RABGEF1: variants seen among roughly 807,000 people sequenced by gnomAD.
RABGEF1 encodes the protein rab5 GDP/GTP exchange factor.
In RABGEF1, 26 loss-of-function variants were observed where a neutral mutation model predicts 57.3. The observed-to-expected ratio is 0.45, with a 90% CI of 0.33 to 0.63. RABGEF1 has a LOEUF of 0.63. Among genes scored for constraint, RABGEF1 ranks in the 20% least tolerant of loss-of-function variants. RABGEF1 has a pLI of 0.02. For missense variants in RABGEF1, 464 were observed against 607.6 expected (o/e 0.76, Z 2.48); for synonymous variants, 185 against 210.7 (o/e 0.88, Z 1.06).
chr7:66,735,716 G>C (rs1234072338), intron 2 of RABGEF1, among the ~76,000 whole-genome samples: 1 of 152,152 alleles, frequency 6.6e-6, no homozygotes, highest in African/African-American at 2.4e-5. Context: ...ATGGCCATGT[G>C]AAGACGTGCC....
chr7:66,781,557 C>T (rs1338051178), intron 3 of RABGEF1, among the ~76,000 whole-genome samples: 1 of 152,142 alleles, frequency 6.6e-6, no homozygotes, highest in African/African-American at 2.4e-5. Flanking sequence ...ATGTTCCCCT[C>T]CCTAAACAGG....
the RABGEF1 span, among the ~76,000 whole-genome samples, chr7:66,666,555 T>C: frequency 6.6e-6 from 1 of 152,166 alleles, no homozygotes; most frequent in Admixed American, 6.5e-5. Flanking sequence ...TCCAGTGATG[T>C]TTCCTGGCAG....
upstream of RABGEF1, among the ~76,000 whole-genome samples, chr7:66,737,687 C>A (rs1158587387): frequency 6.6e-6 from 1 of 152,194 alleles, no homozygotes; most frequent in Non-Finnish European, 1.5e-5. Context: ...TGGAAAAACA[C>A]ATTCTCAACA....
intron 2 of RABGEF1, among the ~76,000 whole-genome samples, chr7:66,716,594 C>G (rs187377496): frequency 3.9e-5 from 6 of 152,082 alleles, no homozygotes; most frequent in Admixed American, 6.6e-5. Flanking sequence ...GAGCAAGACT[C>G]TGTCTCAGAA....
intron 1 of RABGEF1, among the ~76,000 whole-genome samples, chr7:66,684,759 C>T (rs368292430): frequency 1.3e-5 from 2 of 152,132 alleles, no homozygotes; most frequent in South Asian, 2.1e-4. Context: ...TTCAGTCTCC[C>T]GAGTAGCTGG....
intron 1 of RABGEF1, among the ~76,000 whole-genome samples, chr7:66,709,796 A>C (rs551567077): frequency 3.9e-5 from 6 of 152,260 alleles, no homozygotes; most frequent in African/African-American, 1.4e-4. Flanking sequence ...AAAAAGAAAG[A>C]AAGCAAATAT....
chr7:66,789,682 CAAAAAAAAAAAA>C (rs35661980), intron 4 of RABGEF1, among the ~76,000 whole-genome samples: 6 of 57,466 alleles, frequency 1.0e-4, no homozygotes, highest in African/African-American at 4.5e-4. Context: ...GACTCTATCT[CAAAAAAAAAAAA>C]AAAAAAAAAA....
chr7:66,695,943 G>C (rs1379440926), intron 1 of RABGEF1, among the ~76,000 whole-genome samples: 1 of 149,384 alleles, frequency 6.7e-6, no homozygotes, highest in African/African-American at 2.5e-5. Context: ...TTCAGCGTGG[G>C]TAACAAAGCG....
chr7:66,663,999 G>A, the RABGEF1 span, among the ~76,000 whole-genome samples: 5 of 151,766 alleles, frequency 3.3e-5, no homozygotes, highest in East Asian at 1.9e-4. Flanking sequence ...GCTTGAACCC[G>A]GGAGGTGGAG....
rs545396383 is a variant in RABGEF1 at position 66,792,974 on chromosome 7, G to A, written c.514-2537G>A. Among the ~76,000 whole-genome samples the A allele has an allele frequency of 1.4e-4, 22 of 152,196 alleles. 1 individual carries two copies. The South Asian group carries it at 3.7e-3, about 26-fold the overall frequency. The stretch of plus-strand genomic sequence containing the variant: ...GGGTGAGTTCTTTTACATTATGAAA[G>A]CAATACTGTACTGGAGCATAAACTG... On this transcript the variant is annotated intron_variant, in intron 4 of 8. Coordinates refer to ENST00000284957, the MANE Select transcript of RABGEF1 (RefSeq NM_014504.3).
At chr7:66,799,755 T>G (rs1330013061) in intron 7 of RABGEF1, among the ~76,000 whole-genome samples, 4 of 152,300 alleles carry the variant, frequency 2.6e-5, no homozygotes, top group Admixed American at 2.0e-4. Flanking sequence ...TTTCTTAGGA[T>G]TCAGTTGCAT....
the RABGEF1 span, among the ~76,000 whole-genome samples, chr7:66,658,533 CAAAAA>C: frequency 2.6e-5 from 2 of 75,558 alleles, no homozygotes; most frequent in Non-Finnish European, 5.4e-5. Context: ...ACTTCGTCTC[CAAAAA>C]AAAAAAAAAA....
intron 1 of RABGEF1, among the ~76,000 whole-genome samples, chr7:66,747,917 A>G (rs181472590): frequency 2.0e-5 from 3 of 152,310 alleles, no homozygotes; most frequent in Middle Eastern, 3.4e-3. Context: ...AACATAACAG[A>G]TAAGTGGGTG....
chr7:66,773,385 C>G (rs956811016), intron 2 of RABGEF1, among the ~76,000 whole-genome samples: 8 of 152,162 alleles, frequency 5.3e-5, no homozygotes, highest in African/African-American at 1.7e-4. Flanking sequence ...TTGTCTGTCC[C>G]AGAGAAAGAG....
At chr7:66,657,896 A>G in the RABGEF1 span, among the ~76,000 whole-genome samples, 1 of 152,206 alleles carries the variant, frequency 6.6e-6, no homozygotes, top group East Asian at 1.9e-4. Flanking sequence ...CCTCTAAAGG[A>G]TCTAGAAAAA....
intron 1 of RABGEF1, among the ~76,000 whole-genome samples, chr7:66,700,353 T>G (rs1303424433): frequency 6.6e-6 from 1 of 152,046 alleles, no homozygotes; most frequent in African/African-American, 2.4e-5. Flanking sequence ...CTGTGTAGGG[T>G]TGCGTTCCTG....
intron 2 of RABGEF1, among the ~76,000 whole-genome samples, chr7:66,713,315 G>A (rs1794995368): frequency 6.6e-6 from 1 of 151,654 alleles, no homozygotes; most frequent in Non-Finnish European, 1.5e-5. Flanking sequence ...CTAATTTTTT[G>A]TATTTTTAGT....
intron 2 of RABGEF1, among the ~76,000 whole-genome samples, chr7:66,719,423 T>G (rs1241271520): frequency 6.6e-6 from 1 of 152,174 alleles, no homozygotes; most frequent in African/African-American, 2.4e-5. Context: ...TAGGCTAGTT[T>G]CAAACTCCTG....
At chr7:66,735,472 C>T (rs1048285747) in intron 2 of RABGEF1, among the ~76,000 whole-genome samples, 1 of 152,230 alleles carries the variant, frequency 6.6e-6, no homozygotes, top group Non-Finnish European at 1.5e-5. Context: ...CACAGTTCCT[C>T]ATCTGTAAAA....
Sources: allele counts gnomAD v4.1 joint callset (sites outside exome capture counted in the v4.1 genomes callset), GRCh38; gene constraint gnomAD v4.1.1; transcripts MANE v1.5; gene names NCBI Gene and HGNC (gene_info 2026-07-23, HGNC 2026-07-21).